EPM2A: variants seen among roughly 807,000 people sequenced by gnomAD.
The protein encoded by EPM2A is EPM2A glucan phosphatase, laforin, also known as laforin.
In EPM2A, 21 loss-of-function variants were observed where a neutral mutation model predicts 26.5. The observed-to-expected ratio is 0.79, with a 90% confidence interval of 0.56 to 1.14. EPM2A has a LOEUF of 1.14. Among genes scored for constraint, EPM2A ranks in the 50% most tolerant of loss-of-function variants. The pLI is 0.00. For synonymous variants in EPM2A, 217 were observed against 177.6 expected, an observed-to-expected ratio of 1.22 and a Z score of -1.76; for missense variants, 458 against 440.8, an observed-to-expected ratio of 1.04 and a Z score of -0.35.
intron 3 of EPM2A, 157 bp downstream of exon 3, chr6:145,635,088 A>G (rs1268891955): frequency 1.3e-6 from 1 of 779,290 alleles, no homozygotes; most frequent in African/African-American, 1.8e-5. Flanking sequence ...TCTTAGCCAC[A>G]GTGTCAAAAC....
At chr6:145,501,058 C>T (rs986562320), downstream of EPM2A, among the ~76,000 whole-genome samples, 2 of 152,158 alleles carry the variant, frequency 1.3e-5, no homozygotes, top group African/African-American at 4.8e-5. Context: ...TGCCAACTAA[C>T]ATTTTCTGAA....
At chr6:145,579,599 A>T (rs896799565) in intron 2 of EPM2A, among the ~76,000 whole-genome samples, 6 of 152,200 alleles carry the variant, frequency 3.9e-5, no homozygotes, top group Non-Finnish European at 7.4e-5. Context: ...TCTTTCTCTT[A>T]AAAGTGCCTT....
intron 1 of EPM2A, among the ~76,000 whole-genome samples, chr6:145,696,314 C>CA (rs996594438): frequency 3.9e-5 from 6 of 151,954 alleles, no homozygotes; most frequent in Non-Finnish European, 7.4e-5. Flanking sequence ...ATGCCTATAT[C>CA]AAAAAAAGGA....
intron 2 of EPM2A, among the ~76,000 whole-genome samples, chr6:145,508,651 A>T (rs1299542245): frequency 6.6e-6 from 1 of 152,260 alleles, no homozygotes; most frequent in Non-Finnish European, 1.5e-5. Flanking sequence ...CTCAGATGAG[A>T]AGGAACCAGT....
intron 4 of EPM2A, among the ~76,000 whole-genome samples, chr6:145,401,296 A>G (rs1421670238): frequency 6.6e-6 from 1 of 152,148 alleles, no homozygotes; most frequent in Admixed American, 6.6e-5. Flanking sequence ...CTTTTTATAT[A>G]TCATATACAC....
At chr6:145,724,239 T>G (rs774148208) in intron 1 of EPM2A, among the ~76,000 whole-genome samples, 1 of 152,068 alleles carries the variant, frequency 6.6e-6, no homozygotes, top group African/African-American at 2.4e-5. Context: ...ATGGCCAGCA[T>G]GCAAACAAAA....
chr6:145,578,286 A>C (rs1290110615), intron 2 of EPM2A, among the ~76,000 whole-genome samples: 2 of 152,084 alleles, frequency 1.3e-5, no homozygotes, highest in Non-Finnish European at 2.9e-5. Flanking sequence ...AAAATTAGCA[A>C]ACCTTATGCC....
intron 4 of EPM2A, among the ~76,000 whole-genome samples, chr6:145,458,863 AAT>A (rs1779294800): frequency 6.6e-6 from 1 of 151,110 alleles, no homozygotes; most frequent in South Asian, 2.1e-4. Flanking sequence ...AAATGTGCCA[AAT>A]ATACATTTTT....
chr6:145,683,015 CAGAT>C (rs913711989), intron 2 of EPM2A, among the ~76,000 whole-genome samples: 10 of 152,122 alleles, frequency 6.6e-5, no homozygotes, highest in Non-Finnish European at 1.2e-4. Context: ...ACATAGCAAA[CAGAT>C]AGAATTCGAT....
intron 2 of EPM2A, among the ~76,000 whole-genome samples, chr6:145,559,843 G>C (rs1453600024): frequency 6.6e-6 from 1 of 151,956 alleles, no homozygotes; most frequent in Non-Finnish European, 1.5e-5. Context: ...TCTGCTTTCT[G>C]TGGTCACATA....
At position 145,626,752 on chromosome 6, in the gene EPM2A, T is replaced by G. The variant is rs1433546849; in HGVS notation, c.*664A>C. On this transcript the variant is annotated 3_prime_UTR_variant, in exon 4 of 4. Coordinates refer to ENST00000367519, the MANE Select transcript of EPM2A (RefSeq NM_005670.4). ...CAACTATAAAAAACAAGGGTATTTT[T>G]TGCTTTGTTTGGTAATTTTGAGGAA... 1.0e-6 allele frequency: 1 copy of G among 986,054 alleles called. No homozygotes were observed. Among genetic ancestry groups the G allele is most frequent in the Non-Finnish European group, 1.2e-6 (1 of 830,506 alleles). 61.1% of individuals were successfully genotyped at this position (986,054 alleles called of 1,614,324 possible).
At chr6:145,659,223 G>A (rs1778510301) in intron 2 of EPM2A, among the ~76,000 whole-genome samples, 1 of 152,100 alleles carries the variant, frequency 6.6e-6, no homozygotes, top group South Asian at 2.1e-4. Context: ...AAGATAGGGT[G>A]GGATGGGGTG....
At chr6:145,658,400 AT>A (rs1405083535) in intron 2 of EPM2A, among the ~76,000 whole-genome samples, 1 of 152,114 alleles carries the variant, frequency 6.6e-6, no homozygotes, top group African/African-American at 2.4e-5. Flanking sequence ...TAAACTCATT[AT>A]TTCTGTCTCT....
At chr6:145,527,225 G>A (rs745468362) in intron 2 of EPM2A, among the ~76,000 whole-genome samples, 4 of 152,040 alleles carry the variant, frequency 2.6e-5, no homozygotes, top group Non-Finnish European at 5.9e-5. Flanking sequence ...CAATCTTAGA[G>A]TACGTTCCAT....
chr6:145,485,771 G>A (rs1445073445), intron 4 of EPM2A, among the ~76,000 whole-genome samples: 1 of 152,154 alleles, frequency 6.6e-6, no homozygotes, highest in Non-Finnish European at 1.5e-5. Context: ...GAGGTTTAAT[G>A]GATTCACAGT....
chr6:145,453,574 A>G (rs1163371296), intron 4 of EPM2A, among the ~76,000 whole-genome samples: 1 of 152,172 alleles, frequency 6.6e-6, no homozygotes, highest in Non-Finnish European at 1.5e-5. Context: ...ATTGTATTGC[A>G]GCTGTGCAAA....
At chr6:145,664,592 TAGAC>T (rs1220217663) in intron 2 of EPM2A, among the ~76,000 whole-genome samples, 1 of 151,070 alleles carries the variant, frequency 6.6e-6, no homozygotes, top group African/African-American at 2.4e-5. Context: ...CTGTCAATAT[TAGAC>T]AGATCAACGA....
intron 2 of EPM2A, among the ~76,000 whole-genome samples, chr6:145,562,619 T>C (rs574706292): frequency 1.3e-5 from 2 of 152,048 alleles, no homozygotes; most frequent in Admixed American, 1.3e-4. Flanking sequence ...AGGGCCTGAG[T>C]TGATGTAGAA....
intron 4 of EPM2A, among the ~76,000 whole-genome samples, chr6:145,426,450 A>C (rs1778855606): frequency 2.0e-5 from 3 of 152,232 alleles, no homozygotes; most frequent in Admixed American, 1.3e-4. Context: ...TTAAATTAAC[A>C]GTGTAGCATA....
Sources: gnomAD v4.1 joint callset for allele counts (sites outside exome capture counted in the v4.1 genomes callset) on GRCh38, gnomAD v4.1.1 for gene constraint, MANE v1.5 for transcripts, NCBI Gene and HGNC (gene_info 2026-07-23, HGNC 2026-07-21) for gene names.